The following HDAC4 variants were observed in gnomAD, a reference collection of about 807,000 sequenced individuals.
HDAC4 encodes the protein histone deacetylase 4.
HDAC4 carries 16 observed loss-of-function variants against 135.1 expected under a neutral mutation model. That is an observed-to-expected ratio of 0.12 (90% CI 0.08 to 0.18). The LOEUF (loss-of-function observed/expected upper bound fraction) is 0.18. Ranked by LOEUF, HDAC4 falls within the 10% of genes least tolerant of loss-of-function variation. HDAC4 has a pLI of 1.00. For synonymous variants in HDAC4, 685 were observed against 653.4 expected (o/e 1.05, Z -0.74); for missense variants, 1,143 against 1,511.8 (o/e 0.76, Z 4.05).
intron 3 of HDAC4, among the ~76,000 whole-genome samples, chr2:239,225,585 G>A (rs1212630503): frequency 6.6e-6 from 1 of 152,246 alleles, no homozygotes; most frequent in African/African-American, 2.4e-5. Context: ...GGAGAGGGAA[G>A]CCAGGAAGGC....
At chr2:239,218,104 C>T (rs1211498067) in intron 3 of HDAC4, among the ~76,000 whole-genome samples, 2 of 152,080 alleles carry the variant, frequency 1.3e-5, no homozygotes, top group Non-Finnish European at 2.9e-5. Context: ...AAAACAAAAA[C>T]AGATAAACAG....
intron 1 of HDAC4, among the ~76,000 whole-genome samples, chr2:239,379,537 C>T (rs1695265338): frequency 6.6e-6 from 1 of 152,202 alleles, no homozygotes; most frequent in South Asian, 2.1e-4. Context: ...AGGGGTCTGG[C>T]AGGTCCCCTC....
chr2:239,156,661 T>G lies in HDAC4; in HGVS notation c.724A>C (p.Arg242=), dbSNP rs199748262. The G allele has an allele frequency of 6.2e-7, 1 of 1,614,100 alleles. No homozygotes were observed. The highest frequency in any genetic ancestry group is 2.2e-5 in the East Asian group (1 of 44,868). Residue 242 remains arginine, a synonymous_variant, in exon 7 of 27, where the codon AGG becomes CGG. Coordinates refer to ENST00000543185, the MANE Select transcript of HDAC4 (RefSeq NM_001378414.1). The part of the protein sequence containing the change: ...MYDAKDDFPL[R]KTASEPNLKL... ...ATGCCTGGGCACTGACCTGTTTTCC[T>G]AAGAGGGAAGTCATCTTTGGCGTCG...
rs2052389206 is a variant in HDAC4, at chr2:239,303,482, G to A, written c.22+49196C>T. Among the ~76,000 whole-genome samples the A allele has an allele frequency of 6.6e-6, 1 of 152,088 alleles. No homozygotes were observed. The highest frequency in any genetic ancestry group is 1.5e-5 in the Non-Finnish European group (1 of 68,020). ...ACAAGCACCCCACGAACAAGACACGGCAGCGTGCTTCCTCGATCTCCCCGC... is the reference window on the plus strand; with the variant it reads ...ACAAGCACCCCACGAACAAGACACGACAGCGTGCTTCCTCGATCTCCCCGC... On this transcript the variant is annotated intron_variant, in intron 2 of 26. Transcript: ENST00000543185. The surrounding 1 kb of genome is among the most constrained non-coding windows in gnomAD (Gnocchi z 5.1).
intron 2 of HDAC4, among the ~76,000 whole-genome samples, chr2:239,290,689 T>G (rs542028033): frequency 1.2e-3 from 189 of 151,936 alleles, no homozygotes; most frequent in African/African-American, 4.4e-3. Flanking sequence ...CGCACGCGCA[T>G]GCACACACAC....
intron 6 of HDAC4, among the ~76,000 whole-genome samples, chr2:239,159,047 A>G (rs1481153169): frequency 2.0e-5 from 3 of 148,788 alleles, no homozygotes; most frequent in Admixed American, 6.7e-5. Context: ...CACACACCTC[A>G]CCCATACCTA....
chr2:239,276,662 C>T (rs1343289468), intron 2 of HDAC4, among the ~76,000 whole-genome samples: 1 of 151,972 alleles, frequency 6.6e-6, no homozygotes, highest in Non-Finnish European at 1.5e-5. Context: ...TGCCTGGACA[C>T]TGCCTGCTGC....
At chr2:239,128,587 C>T (rs937997399) in intron 11 of HDAC4, among the ~76,000 whole-genome samples, 1 of 152,036 alleles carries the variant, frequency 6.6e-6, no homozygotes, top group Non-Finnish European at 1.5e-5. Context: ...GTGTGTATTA[C>T]GTGGGATTGA....
chr2:239,200,539 T>C (rs957308887), intron 3 of HDAC4, among the ~76,000 whole-genome samples: 3 of 152,196 alleles, frequency 2.0e-5, no homozygotes, highest in African/African-American at 7.2e-5. Context: ...CTCATTTAGA[T>C]GGATATATGC....
chr2:239,235,634 C>T (rs1051675900), intron 3 of HDAC4, among the ~76,000 whole-genome samples: 2 of 152,208 alleles, frequency 1.3e-5, no homozygotes, highest in African/African-American at 2.4e-5. Context: ...AGAATGGTAC[C>T]CTCACAAGGA....
chr2:239,110,241 G>C (rs2038549580), intron 14 of HDAC4, among the ~76,000 whole-genome samples: 1 of 152,210 alleles, frequency 6.6e-6, no homozygotes, highest in African/African-American at 2.4e-5. Flanking sequence ...TTTCCTGTGG[G>C]TTTCTATCAT....
intron 2 of HDAC4, among the ~76,000 whole-genome samples, chr2:239,237,396 T>A (rs1294301607): frequency 2.0e-5 from 3 of 152,050 alleles, no homozygotes; most frequent in Non-Finnish European, 4.4e-5. Flanking sequence ...TCTTTTAAAA[T>A]TAGCTTCTGA....
At chr2:239,288,243 G>A (rs1008763697) in intron 2 of HDAC4, among the ~76,000 whole-genome samples, 2 of 152,176 alleles carry the variant, frequency 1.3e-5, no homozygotes, top group South Asian at 2.1e-4. Flanking sequence ...AAAACTATAC[G>A]ATCATCACAA....
At chr2:239,160,469 G>A (rs919133822) in intron 6 of HDAC4, among the ~76,000 whole-genome samples, 3 of 152,252 alleles carry the variant, frequency 2.0e-5, no homozygotes, top group Admixed American at 2.0e-4. Flanking sequence ...TCCACGCCCT[G>A]ATGAAGCCAC....
intron 1 of HDAC4, among the ~76,000 whole-genome samples, chr2:239,386,172 G>T (rs1022224221): frequency 3.3e-5 from 5 of 152,058 alleles, no homozygotes; most frequent in African/African-American, 1.2e-4. Context: ...AGAGGCTGGG[G>T]CCTGTGTCTC....
chr2:239,214,173 G>T lies in HDAC4; in HGVS notation c.94+22420C>A, dbSNP rs547866543. On this transcript the variant is annotated intron_variant, in intron 3 of 26. Coordinates refer to ENST00000543185, the MANE Select transcript of HDAC4 (RefSeq NM_001378414.1). ...AAAGTCAGAAAGCCAGCAGGGCTGT[G>T]CTTCTTCTGCAGGCTCCAGGGGAGA... 1.5e-3 allele frequency among the ~76,000 whole-genome samples: 225 copies of T among 152,330 alleles called. 1 individual carries two copies. The highest frequency in any genetic ancestry group is 5.0e-3 in the African/African-American group (208 of 41,570).
At chr2:239,366,039 C>T (rs571111174) in intron 1 of HDAC4, among the ~76,000 whole-genome samples, 7 of 141,610 alleles carry the variant, frequency 4.9e-5, no homozygotes, top group East Asian at 4.4e-4. Context: ...AGAGCAGGGT[C>T]GTCAGGGTCA....
Position 239,081,425 on chromosome 2 carries a change from C to T in HDAC4, c.2653-233G>A, listed in dbSNP as rs369710568. 4.6e-5 allele frequency among the ~76,000 whole-genome samples: 7 copies of T among 152,316 alleles called. No individual in the cohort carries two copies. The South Asian group carries it at 1.2e-3, about 27-fold the overall frequency. ...CCTTTTCCTGGCTGCTGTAGGCTCT[C>T]GCCGACCCTGCCCTTGGCACACCAA... On this transcript the variant is annotated intron_variant, in intron 21 of 26. Transcript: ENST00000543185.
At chr2:239,090,179 C>A in intron 17 of HDAC4, 63 bp from the exon 18 acceptor site, 2 of 1,216,986 alleles carry the variant, frequency 1.6e-6, no homozygotes, top group Non-Finnish European at 1.2e-6. Flanking sequence ...CCAGCCCTGG[C>A]TGGGCAGAGC....
Sources: allele counts gnomAD v4.1 joint callset (sites outside exome capture counted in the v4.1 genomes callset), GRCh38; gene constraint gnomAD v4.1.1; non-coding constraint Gnocchi (gnomAD v3.1); transcripts MANE v1.5; gene names NCBI Gene and HGNC (gene_info 2026-07-23, HGNC 2026-07-21).